TIMM21: variants seen among roughly 807,000 people sequenced by gnomAD.
The protein encoded by TIMM21 is translocase of inner mitochondrial membrane 21.
A neutral mutation model predicts 27.7 loss-of-function variants in TIMM21; 30 were observed. The observed-to-expected ratio is 1.08, with a 90% CI of 0.81 to 1.47. The LOEUF (loss-of-function observed/expected upper bound fraction) is 1.47, where lower values mean the gene tolerates loss of function less well. TIMM21 is among the 40% of genes most tolerant of loss of function. The pLI is 0.00. For missense variants in TIMM21, 292 were observed against 302.9 expected (o/e 0.96, Z 0.27); for synonymous variants, 121 against 114.4 (o/e 1.06, Z -0.37).
In TIMM21 at chr18:74,158,157, CG is replaced by C. The variant is rs1568192666; in HGVS notation, c.537-13del. 6.2e-7 allele frequency: 1 copy of C among 1,613,836 alleles called. No individual in the cohort carries two copies. Among genetic ancestry groups the C allele is most frequent in the Admixed American group, 1.7e-5 (1 of 59,982 alleles). On this transcript the variant is annotated splice_polypyrimidine_tract_variant and intron_variant, in intron 4 of 5. Coordinates refer to ENST00000169551, the MANE Select transcript of TIMM21 (RefSeq NM_014177.3). The stretch of plus-strand genomic sequence containing the variant: ...ATGAAAGGAACTTAGACTGATCTTT[CG>C]TTTTCTCGACAGGTTCACTGAATAT...
chr18:74,155,181 T>G lies in TIMM21; in HGVS notation c.338T>G (p.Val113Gly). The G allele has an allele frequency of 1.2e-6, 2 of 1,614,218 alleles. No homozygotes were observed. ...GGAAGAGATTTTACCTATTTAATAGTGGTGCTTTTTGGAATCAGCATTACA... is the reference window on the plus strand; with the variant it reads ...GGAAGAGATTTTACCTATTTAATAGGGGTGCTTTTTGGAATCAGCATTACA... The part of the protein sequence containing the change: ...EAGRDFTYLI[V>G]VLFGISITGG... The change falls in exon 2 of 6, where the codon GTG (valine) becomes GGG (glycine). Residue 113 changes from valine (V) to glycine (G), a missense_variant. Val to Gly is a moderately radical substitution (Grantham distance 109, BLOSUM62 -3). Transcript: ENST00000169551.
At chr18:74,156,354 G>A (rs1210737712) in intron 3 of TIMM21, 1 of 395,350 alleles carries the variant, frequency 2.5e-6, no homozygotes, top group Non-Finnish European at 4.4e-6. Context: ...GATCTTCCCT[G>A]GGGCCCCGGC....
chr18:74,157,928 T>C (rs1012285894), intron 3 of TIMM21, 86 bp from the exon 4 acceptor site: 19 of 1,448,586 alleles, frequency 1.3e-5, no homozygotes, highest in African/African-American at 9.9e-5. Context: ...GATTTTTTTT[T>C]CCTAAAATCA....
chr18:74,149,407 AAGAGAG>A (rs139675978), intron 1 of TIMM21, among the ~76,000 whole-genome samples: 1 of 151,880 alleles, frequency 6.6e-6, no homozygotes, highest in African/African-American at 2.4e-5. Flanking sequence ...ATAGGATAAA[AAGAGAG>A]AGAGAGAGAT....
intron 1 of TIMM21, among the ~76,000 whole-genome samples, chr18:74,154,721 C>G (rs1979903642): frequency 6.6e-6 from 1 of 152,222 alleles, no homozygotes; most frequent in Non-Finnish European, 1.5e-5. Context: ...TATTCCTACT[C>G]TGAACACAGT....
chr18:74,150,027 G>T (rs1320704977), intron 1 of TIMM21, among the ~76,000 whole-genome samples: 1 of 152,212 alleles, frequency 6.6e-6, no homozygotes, highest in Non-Finnish European at 1.5e-5. Context: ...CATTGTGGTA[G>T]GAGGTATAGG....
At chr18:74,154,903 G>C (rs1568191570) in intron 1 of TIMM21, among the ~76,000 whole-genome samples, 1 of 152,300 alleles carries the variant, frequency 6.6e-6, no homozygotes, top group East Asian at 1.9e-4. Flanking sequence ...GTTGTGGACT[G>C]GATCACTTGT....
intron 3 of TIMM21, chr18:74,156,223 A>C (rs1191887510): frequency 5.0e-6 from 2 of 398,642 alleles, no homozygotes; most frequent in Non-Finnish European, 8.8e-6. Context: ...TGCCATTATC[A>C]TCATAAATAT....
intron 1 of TIMM21, among the ~76,000 whole-genome samples, chr18:74,150,860 T>C (rs80298907): frequency 0.05 from 7,554 of 152,234 alleles, 268 homozygotes; most frequent in East Asian, 0.12. Flanking sequence ...CCCATAGATG[T>C]GATATCATTT....
intron 1 of TIMM21, among the ~76,000 whole-genome samples, chr18:74,150,292 A>G (rs1979767423): frequency 6.6e-6 from 1 of 152,230 alleles, no homozygotes; most frequent in Non-Finnish European, 1.5e-5. Context: ...AACTTTCTGC[A>G]TAGAAATGTC....
chr18:74,157,487 A>G (rs1259916982), intron 3 of TIMM21: 4 of 154,862 alleles, frequency 2.6e-5, no homozygotes, highest in African/African-American at 7.2e-5. Context: ...AAAGCTACCT[A>G]TTTTAATCTT....
Position 74,158,975 on chromosome 18 carries a change from G to C in TIMM21, c.*495G>C, listed in dbSNP as rs567628115. The C allele has an allele frequency of 4.9e-5, 8 of 163,478 alleles. No homozygotes were observed. In the South Asian group the frequency reaches 1.4e-3, roughly 28 times the overall value. 10.1% of individuals were successfully genotyped at this position (163,478 alleles called of 1,614,324 possible). On this transcript the variant is annotated 3_prime_UTR_variant, in exon 6 of 6. Transcript: ENST00000169551. ...TTCTTCAAAATTGTGTGAGTTTTAG[G>C]AATCTGTCTCATATTTCGCGCTTCA...
At position 74,148,749 on chromosome 18, in the gene TIMM21, C is replaced by A; in HGVS notation, c.-60C>A. The stretch of plus-strand genomic sequence containing the variant: ...CGTGTCCGGCCGCATGTGTAGTGAA[C>A]CCTAAAGCTTTCCTAATTGTAGTTA... On this transcript the variant is annotated 5_prime_UTR_variant, in exon 1 of 6. Coordinates refer to ENST00000169551, the MANE Select transcript of TIMM21 (RefSeq NM_014177.3). The A allele has an allele frequency of 6.5e-7, 1 of 1,542,596 alleles. No homozygotes were observed. Among genetic ancestry groups the A allele is most frequent in the Non-Finnish European group, 8.8e-7 (1 of 1,130,874 alleles).
Position 74,159,204 on chromosome 18 carries a change from CACTGAT to C in TIMM21, c.*728_*733del, listed in dbSNP as rs1335517725. The C allele has an allele frequency of 6.7e-6, 1 of 149,740 alleles. No individual in the cohort carries two copies. Among genetic ancestry groups the C allele is most frequent in the Non-Finnish European group, 1.5e-5 (1 of 67,862 alleles). The allele number at this position is 149,740 out of a possible 1,614,324, so 9.3% of individuals were successfully genotyped here. A position where few individuals can be genotyped will look rare whatever the true frequency, so the allele number is the denominator to read the frequency against. On this transcript the variant is annotated 3_prime_UTR_variant, in exon 6 of 6. Coordinates refer to ENST00000169551, the MANE Select transcript of TIMM21 (RefSeq NM_014177.3). ...CCTCATCCCCTTTAGAACTTACTTG[CACTGAT>C]ACTTCTGACTGCCAAAAGAACATGG... is the stretch of plus-strand genomic sequence containing the variant.
chr18:74,149,133 T>A lies in TIMM21; in HGVS notation c.301+24T>A, dbSNP rs762244620. 1.9e-6 allele frequency: 3 copies of A among 1,594,106 alleles called. No homozygotes were observed. The Admixed American group carries it at 5.1e-5, about 27-fold the overall frequency. On this transcript the variant is annotated intron_variant, in intron 1 of 5. Coordinates refer to ENST00000169551, the MANE Select transcript of TIMM21 (RefSeq NM_014177.3). ...AGGTAAAAAGGAGTACTTTAATGAT[T>A]GGGCTTTCAACAGACATGACAAGAG...
At chr18:74,151,657 C>T (rs1979802758) in intron 1 of TIMM21, among the ~76,000 whole-genome samples, 1 of 152,088 alleles carries the variant, frequency 6.6e-6, no homozygotes, top group Non-Finnish European at 1.5e-5. Flanking sequence ...GGTGGGTTTT[C>T]GGGCTTTATA....
chr18:74,157,890 T>G, intron 3 of TIMM21, 124 bp from the exon 4 acceptor site: 1 of 1,026,434 alleles, frequency 9.7e-7, no homozygotes, highest in Non-Finnish European at 1.4e-6. Context: ...CCAGGAGTGG[T>G]CATTTTTGAA....
Position 74,148,782 on chromosome 18 carries a change from C to T in TIMM21, c.-27C>T. ...CTTTCCTAATTGTAGTTAGCATCGT[C>T]CCTAAGCGGAACGATTTTCCGTGAA... On this transcript the variant is annotated 5_prime_UTR_variant, in exon 1 of 6. Coordinates refer to ENST00000169551, the MANE Select transcript of TIMM21 (RefSeq NM_014177.3). The T allele has an allele frequency of 1.3e-6, 2 of 1,596,670 alleles. No homozygotes were observed. Among genetic ancestry groups the T allele is most frequent in the Non-Finnish European group, 1.7e-6 (2 of 1,166,256 alleles).
chr18:74,156,084 TCA>T (rs1165266659), intron 3 of TIMM21, among the ~76,000 whole-genome samples: 1 of 152,208 alleles, frequency 6.6e-6, no homozygotes, highest in Admixed American at 6.5e-5. Flanking sequence ...GACCTTCCAG[TCA>T]CACGTAGCCG....
Sources: gnomAD v4.1 joint callset for allele counts (sites outside exome capture counted in the v4.1 genomes callset) on GRCh38, gnomAD v4.1.1 for gene constraint, MANE v1.5 for transcripts, NCBI Gene and HGNC (gene_info 2026-07-23, HGNC 2026-07-21) for gene names.